HSF2BP: variants seen among roughly 807,000 people sequenced by gnomAD.
The protein encoded by HSF2BP is heat shock factor 2-binding protein.
HSF2BP carries 35 observed loss-of-function variants against 35.0 expected under a neutral mutation model. The ratio of observed to expected loss-of-function variants is 1.00; its 90% CI spans 0.76 to 1.32. HSF2BP has a LOEUF of 1.32. HSF2BP is among the 40% of genes most tolerant of loss of function. The pLI, the probability that HSF2BP is intolerant of heterozygous loss-of-function variation, is 0.00. For synonymous variants in HSF2BP, 114 were observed against 117.4 expected, an observed-to-expected ratio of 0.97 and a Z score of 0.18; for missense variants, 326 against 321.7, an observed-to-expected ratio of 1.01 and a Z score of -0.10.
intron 8 of HSF2BP, among the ~76,000 whole-genome samples, chr21:43,580,732 T>A (rs2081715830): frequency 6.6e-6 from 1 of 152,238 alleles, no homozygotes. Context: ...TAATAAAACA[T>A]TCACATGTAA....
chr21:43,656,095 A>C (rs573267200), intron 3 of HSF2BP, among the ~76,000 whole-genome samples: 1 of 152,342 alleles, frequency 6.6e-6, no homozygotes, highest in African/African-American at 2.4e-5. Context: ...ACTGGTATTC[A>C]ACATAACAGC....
chr21:43,635,246 G>A (rs1388389598), intron 4 of HSF2BP, among the ~76,000 whole-genome samples: 1 of 152,172 alleles, frequency 6.6e-6, no homozygotes, highest in Non-Finnish European at 1.5e-5. Context: ...TTGGCAGGAT[G>A]TCAATTCTTC....
chr21:43,651,844 T>C (rs1362262236), intron 3 of HSF2BP, among the ~76,000 whole-genome samples: 3 of 152,118 alleles, frequency 2.0e-5, no homozygotes, highest in Non-Finnish European at 4.4e-5. Context: ...TCCCTAAGAC[T>C]CTCAGGCAAC....
At chr21:43,634,926 C>G (rs939150475) in intron 4 of HSF2BP, among the ~76,000 whole-genome samples, 1 of 152,188 alleles carries the variant, frequency 6.6e-6, no homozygotes, top group African/African-American at 2.4e-5. Context: ...AAGCTGTCTG[C>G]ATCTCAATTA....
chr21:43,577,880 T>C (rs968775619), intron 8 of HSF2BP, among the ~76,000 whole-genome samples: 1 of 152,124 alleles, frequency 6.6e-6, no homozygotes, highest in Non-Finnish European at 1.5e-5. Context: ...TCTGTGATAT[T>C]CCCCTGCCCT....
chr21:43,600,005 A>G (rs2082032970), intron 7 of HSF2BP, among the ~76,000 whole-genome samples: 1 of 152,154 alleles, frequency 6.6e-6, no homozygotes, highest in Non-Finnish European at 1.5e-5. Flanking sequence ...GACACATCTG[A>G]CATTTAAAAG....
At chr21:43,584,891 A>C (rs2081827403) in intron 8 of HSF2BP, among the ~76,000 whole-genome samples, 1 of 152,210 alleles carries the variant, frequency 6.6e-6, no homozygotes, top group Non-Finnish European at 1.5e-5. Context: ...AAACTAAAGG[A>C]CAAGTTTGAA....
At chr21:43,631,963 TC>T (rs60998147) in intron 5 of HSF2BP, among the ~76,000 whole-genome samples, 62,570 of 89,550 alleles carry the variant, frequency 0.7, 19,637 homozygotes, top group East Asian at 0.8. Context: ...GCACACACAC[TC>T]CCCCCCCACA....
At chr21:43,631,482 C>G (rs1347103557) in intron 5 of HSF2BP, among the ~76,000 whole-genome samples, 6 of 152,162 alleles carry the variant, frequency 3.9e-5, no homozygotes, top group African/African-American at 7.2e-5. Context: ...GAATGACCAC[C>G]TCATCAGTCA....
At chr21:43,578,939 G>A (rs578121907) in intron 8 of HSF2BP, among the ~76,000 whole-genome samples, 15 of 152,336 alleles carry the variant, frequency 9.8e-5, no homozygotes, top group Non-Finnish European at 1.6e-4. Context: ...GACCGCCTCT[G>A]GGATGTCAGG....
intron 8 of HSF2BP, among the ~76,000 whole-genome samples, chr21:43,587,247 T>C (rs12106371): frequency 0.045 from 6,814 of 152,260 alleles, 510 homozygotes; most frequent in African/African-American, 0.15. Context: ...ACAGATCTTG[T>C]TTTGTTTGAC....
At chr21:43,630,635 A>G (rs372205488) in intron 5 of HSF2BP, among the ~76,000 whole-genome samples, 181 bp from the exon 6 acceptor site, 84 of 152,342 alleles carry the variant, frequency 5.5e-4, no homozygotes, top group African/African-American at 1.9e-3. Context: ...GGAGCAACAA[A>G]AACTACCCTG....
At chr21:43,653,877 C>T (rs1436971652) in intron 3 of HSF2BP, among the ~76,000 whole-genome samples, 3 of 151,888 alleles carry the variant, frequency 2.0e-5, no homozygotes, top group Admixed American at 6.6e-5. Context: ...AGGTTTCATG[C>T]GGAGTAGTGA....
At chr21:43,608,854 T>C (rs757861299) in intron 7 of HSF2BP, among the ~76,000 whole-genome samples, 47 of 117,590 alleles carry the variant, frequency 4.0e-4, no homozygotes, top group South Asian at 9.3e-4. Context: ...ATGCCTGTAA[T>C]CCCAAGTACT....
At chr21:43,579,908 A>C (rs2081701085) in intron 8 of HSF2BP, among the ~76,000 whole-genome samples, 1 of 152,214 alleles carries the variant, frequency 6.6e-6, no homozygotes, top group Non-Finnish European at 1.5e-5. Flanking sequence ...AACAGTGTTT[A>C]TATCTCTATT....
At chr21:43,594,266 C>T (rs574106781) in intron 7 of HSF2BP, among the ~76,000 whole-genome samples, 10 of 152,160 alleles carry the variant, frequency 6.6e-5, no homozygotes, top group East Asian at 3.9e-4. Context: ...AGGAAAATGA[C>T]GTTGGAAGAA....
chr21:43,467,969 C>A, the HSF2BP span, among the ~76,000 whole-genome samples: 17 of 111,066 alleles, frequency 1.5e-4, no homozygotes, highest in African/African-American at 6.3e-4. Context: ...TTACACCACA[C>A]ACACACCACA....
Position 43,613,962 on chromosome 21 carries a change from G to C in HSF2BP, c.575-15C>G, listed in dbSNP as rs2082240450. On this transcript the variant is annotated splice_polypyrimidine_tract_variant and intron_variant, in intron 6 of 8. Coordinates refer to ENST00000291560, the MANE Select transcript of HSF2BP (RefSeq NM_007031.2). ...AGCAGCAACATCTGCAACAGAAAAT[G>C]AAACAAAACATCAAGATCATTATGA... is the stretch of plus-strand genomic sequence containing the variant. 1 of 1,544,460 alleles carries C rather than the reference G, an allele frequency of 6.5e-7. No homozygotes were observed. Among genetic ancestry groups the C allele is most frequent in the South Asian group, 1.1e-5 (1 of 88,518 alleles).
At chr21:43,616,643 T>TA (rs1416774012) in intron 6 of HSF2BP, among the ~76,000 whole-genome samples, 1 of 147,366 alleles carries the variant, frequency 6.8e-6, no homozygotes. Flanking sequence ...ACTCTGTCTT[T>TA]AAAAAAAAGA....
Sources: allele counts gnomAD v4.1 joint callset (sites outside exome capture counted in the v4.1 genomes callset), GRCh38; gene constraint gnomAD v4.1.1; transcripts MANE v1.5; gene names NCBI Gene and HGNC (gene_info 2026-07-23, HGNC 2026-07-21).